The following TMEM278 variants were observed in gnomAD, a reference collection of about 807,000 sequenced individuals.
TMEM278 encodes transmembrane protein 278.
chr1:1,428,418 G>A, the TMEM278 span, among the ~76,000 whole-genome samples: 16 of 152,160 alleles, frequency 1.1e-4, no homozygotes, highest in Admixed American at 2.0e-4. Context: ...TCAGACATGC[G>A]CCAGCCTCGG....
chr1:1,426,285 C>T, the TMEM278 span: 2 of 1,496,780 alleles, frequency 1.3e-6, no homozygotes, highest in Admixed American at 2.2e-5. Context: ...CGGCTGCTGG[C>T]CGGGCTCCTG....
the TMEM278 span, among the ~76,000 whole-genome samples, chr1:1,430,137 C>T: frequency 6.6e-6 from 1 of 152,222 alleles, no homozygotes; most frequent in Non-Finnish European, 1.5e-5. Context: ...GGATTACAGG[C>T]ATGAGCCACC....
At chr1:1,427,262 T>C in the TMEM278 span, among the ~76,000 whole-genome samples, 1 of 90,598 alleles carries the variant, frequency 1.1e-5, no homozygotes, top group African/African-American at 4.5e-5. Context: ...CTCCCGCCCA[T>C]CCATCCCTCA....
chr1:1,428,640 CT>C, the TMEM278 span, among the ~76,000 whole-genome samples: 3 of 152,186 alleles, frequency 2.0e-5, no homozygotes, highest in African/African-American at 4.8e-5. Context: ...CTTTTACCCC[CT>C]CATCAAATTA....
chr1:1,429,457 T>G, the TMEM278 span, among the ~76,000 whole-genome samples: 337 of 152,372 alleles, frequency 2.2e-3, 2 homozygotes, highest in African/African-American at 7.7e-3. Context: ...GATTACAGTT[T>G]CCACTTCTTA....
the TMEM278 span, chr1:1,427,696 G>C: frequency 7.5e-7 from 1 of 1,324,562 alleles, no homozygotes; most frequent in Non-Finnish European, 9.6e-7. Flanking sequence ...CGGCGCCTCC[G>C]CCCGCTGCTG....
the TMEM278 span, among the ~76,000 whole-genome samples, chr1:1,426,669 G>A: frequency 1.1e-4 from 17 of 152,096 alleles, no homozygotes; most frequent in Non-Finnish European, 2.4e-4. Flanking sequence ...GGAGAGAACG[G>A]GGTTCCAGGA....
chr1:1,427,080 C>T, the TMEM278 span, among the ~76,000 whole-genome samples: 13,201 of 144,904 alleles, frequency 0.091, 855 homozygotes, highest in African/African-American at 0.17. Flanking sequence ...CCATCTCCCC[C>T]CTCCCTCTTC....
the TMEM278 span, chr1:1,426,266 C>G: frequency 6.7e-7 from 1 of 1,491,820 alleles, no homozygotes; most frequent in Non-Finnish European, 9.0e-7. Flanking sequence ...GCCCCCGCTG[C>G]TGCCCGGCCG....
At chr1:1,427,738 G>GC in the TMEM278 span, 18 of 1,300,806 alleles carry the variant, frequency 1.4e-5, no homozygotes, top group Admixed American at 2.8e-4. Flanking sequence ...GGACCCCGCC[G>GC]CCCCCCGGGG....
the TMEM278 span, among the ~76,000 whole-genome samples, chr1:1,428,786 C>G: frequency 2.0e-5 from 3 of 152,106 alleles, no homozygotes; most frequent in African/African-American, 7.2e-5. Context: ...GGATCACCAG[C>G]TCAGGAGATC....
the TMEM278 span, among the ~76,000 whole-genome samples, chr1:1,427,221 C>A: frequency 6.8e-6 from 1 of 146,864 alleles, no homozygotes; most frequent in Non-Finnish European, 1.5e-5. Context: ...TTCCTCCACC[C>A]CGCTCTCTCT....
the TMEM278 span, chr1:1,427,757 C>G: frequency 2.3e-6 from 3 of 1,320,182 alleles, no homozygotes; most frequent in Non-Finnish European, 2.9e-6. Context: ...GGCGCCCCGA[C>G]GAGGACGAGC....
chr1:1,426,259 CCCG>C, the TMEM278 span: 19 of 1,491,942 alleles, frequency 1.3e-5, no homozygotes, highest in East Asian at 4.9e-4. Context: ...GGTCGGGGCC[CCCG>C]CTGCTGCCCG....
the TMEM278 span, among the ~76,000 whole-genome samples, chr1:1,428,223 G>A: frequency 1.1e-4 from 16 of 151,106 alleles, no homozygotes; most frequent in East Asian, 7.9e-4. Flanking sequence ...GGCAGAGCCC[G>A]GCAGGCAGCC....
chr1:1,426,439 T>C, the TMEM278 span: 17 of 1,307,138 alleles, frequency 1.3e-5, no homozygotes, highest in Non-Finnish European at 1.7e-5. Context: ...GGAGTGGGCG[T>C]GCCCTGGGTC....
At chr1:1,430,037 T>C in the TMEM278 span, among the ~76,000 whole-genome samples, 1 of 152,206 alleles carries the variant, frequency 6.6e-6, no homozygotes, top group Non-Finnish European at 1.5e-5. Context: ...TTAAATTTTT[T>C]TGTAGAGACG....
the TMEM278 span, among the ~76,000 whole-genome samples, chr1:1,427,272 A>C: frequency 5.0e-5 from 3 of 59,666 alleles, no homozygotes; most frequent in Non-Finnish European, 9.9e-5. Context: ...TCCATCCCTC[A>C]CCGTCCGGCC....
chr1:1,426,036 TG>T, the TMEM278 span: 1 of 1,265,544 alleles, frequency 7.9e-7, no homozygotes, highest in Non-Finnish European at 1.0e-6. Context: ...GGCTGCAACG[TG>T]GGGCGGGGTT....
Sources: allele counts gnomAD v4.1 joint callset (sites outside exome capture counted in the v4.1 genomes callset), GRCh38; gene constraint gnomAD v4.1.1; transcripts MANE v1.5; gene names NCBI Gene and HGNC (gene_info 2026-07-23, HGNC 2026-07-21).